The following ASIC2 variants were observed in gnomAD, a reference collection of about 807,000 sequenced individuals.
ASIC2 encodes the protein acid sensing ion channel subunit 2.
ASIC2 carries 25 observed loss-of-function variants against 57.3 expected under a neutral mutation model. The ratio of observed to expected loss-of-function variants is 0.44; its 90% CI spans 0.32 to 0.61. The LOEUF is 0.61. Ranked by LOEUF, ASIC2 falls within the 20% of genes least tolerant of loss-of-function variation. The pLI is 0.06. For synonymous variants in ASIC2, 319 were observed against 307.5 expected (o/e 1.04, Z -0.39); for missense variants, 641 against 738.1 (o/e 0.87, Z 1.52).
chr17:33,776,279 G>A (rs1224251794), intron 1 of ASIC2, among the ~76,000 whole-genome samples: 1 of 152,120 alleles, frequency 6.6e-6, no homozygotes, highest in Admixed American at 6.5e-5. Flanking sequence ...CTCATAATTG[G>A]GATAGCCCCT....
In ASIC2 at chr17:33,555,895, G is replaced by T. The variant is rs897272527; in HGVS notation, c.556-443828C>A. 2.4e-4 allele frequency among the ~76,000 whole-genome samples: 37 copies of T among 152,190 alleles called. 1 individual carries two copies. The highest frequency in any genetic ancestry group is 8.9e-4 in the African/African-American group (37 of 41,452). Reference sequence around the variant, plus strand: ...AATTGAACTTCTAGCACTCTCCAGAGCAAGATGAGATTCAGCTCAGATAAA... The same window carrying T: ...AATTGAACTTCTAGCACTCTCCAGATCAAGATGAGATTCAGCTCAGATAAA... On this transcript the variant is annotated intron_variant, in intron 1 of 9. Transcript: ENST00000359872.
chr17:33,602,815 G>A (rs1032370670), intron 1 of ASIC2, among the ~76,000 whole-genome samples: 4 of 152,122 alleles, frequency 2.6e-5, no homozygotes, highest in Non-Finnish European at 5.9e-5. Flanking sequence ...CTAGCAATGG[G>A]GCTTAACATG....
chr17:33,478,477 A>G (rs189118888), intron 1 of ASIC2, among the ~76,000 whole-genome samples: 1 of 152,372 alleles, frequency 6.6e-6, no homozygotes, highest in East Asian at 1.9e-4. Flanking sequence ...CTCATGAATG[A>G]ACATGCTATC....
At chr17:33,777,751 G>A (rs575444572) in intron 1 of ASIC2, among the ~76,000 whole-genome samples, 3 of 152,306 alleles carry the variant, frequency 2.0e-5, no homozygotes, top group South Asian at 4.1e-4. Flanking sequence ...GATGCATAAT[G>A]TCCTTTGTGA....
At chr17:33,464,175 C>T (rs995317529) in intron 1 of ASIC2, among the ~76,000 whole-genome samples, 3 of 152,180 alleles carry the variant, frequency 2.0e-5, no homozygotes, top group African/African-American at 7.2e-5. Context: ...CCTTTGTTTG[C>T]CAACAGGTCT....
Position 33,522,175 on chromosome 17 carries a change from G to A in ASIC2, c.556-410108C>T, listed in dbSNP as rs564572140. Among the ~76,000 whole-genome samples, 7 of 152,196 alleles carry A rather than the reference G, an allele frequency of 4.6e-5. No individual in the cohort carries two copies. In the South Asian group the frequency reaches 1.0e-3, roughly 22 times the overall value. ...TGCTGTCCCTACCAGGCAGCCTTGT[G>A]CCCTCTGCTCAGTACCCCCTCGTGG... On this transcript the variant is annotated intron_variant, in intron 1 of 9. Coordinates refer to the ASIC2 transcript ENST00000359872.
chr17:33,871,792 C>A (rs1470084799), intron 1 of ASIC2, among the ~76,000 whole-genome samples: 3 of 152,134 alleles, frequency 2.0e-5, no homozygotes, highest in African/African-American at 7.2e-5. Context: ...AGTAAACAGT[C>A]TCTGGATGAT....
At chr17:33,688,362 C>T (rs1271464141) in intron 1 of ASIC2, among the ~76,000 whole-genome samples, 1 of 152,184 alleles carries the variant, frequency 6.6e-6, no homozygotes, top group African/African-American at 2.4e-5. Context: ...GTTTTTGCTA[C>T]TACCAGTAAA....
chr17:33,614,563 T>G (rs1905532262), intron 1 of ASIC2, among the ~76,000 whole-genome samples: 2 of 152,284 alleles, frequency 1.3e-5, no homozygotes, highest in South Asian at 4.1e-4. Context: ...GATGGTATCA[T>G]GTCTTGAGTT....
chr17:33,356,841 G>C (rs1269976298), intron 1 of ASIC2, among the ~76,000 whole-genome samples: 2 of 152,006 alleles, frequency 1.3e-5, no homozygotes, highest in African/African-American at 2.4e-5. Context: ...GGGGATGCTG[G>C]GGGTGTGTGT....
chr17:34,038,841 G>C, intron 1 of ASIC2: 3 of 1,612,186 alleles, frequency 1.9e-6, no homozygotes, highest in Middle Eastern at 1.7e-4. Context: ...GGAGGTTTCC[G>C]CTTTGCTAAC....
chr17:33,327,351 G>A (rs1226007448), intron 1 of ASIC2, among the ~76,000 whole-genome samples: 1 of 152,134 alleles, frequency 6.6e-6, no homozygotes, highest in African/African-American at 2.4e-5. Context: ...ATTTGGGATG[G>A]CCTTTTATTC....
intron 1 of ASIC2, among the ~76,000 whole-genome samples, chr17:33,779,967 C>CTTTTTTTTTTTTTT (rs759850922): frequency 2.3e-5 from 2 of 85,206 alleles, no homozygotes; most frequent in African/African-American, 9.6e-5. Flanking sequence ...CTACAGAAGC[C>CTTTTTTTTTTTTTT]TTTTTTTTTT....
At chr17:34,041,522 C>G (rs576174092) in intron 1 of ASIC2, 1 of 152,134 alleles carries the variant, frequency 6.6e-6, no homozygotes, top group Non-Finnish European at 1.5e-5. Context: ...TTATAAGCTC[C>G]GAGACCTTGG....
chr17:33,038,838 T>G (rs1165356043), intron 3 of ASIC2, among the ~76,000 whole-genome samples: 1 of 151,938 alleles, frequency 6.6e-6, no homozygotes, highest in African/African-American at 2.4e-5. Context: ...AGACCAAAGA[T>G]CCTAAGGCAC....
chr17:33,558,278 T>C (rs553812867), intron 1 of ASIC2, among the ~76,000 whole-genome samples: 1 of 152,326 alleles, frequency 6.6e-6, no homozygotes, highest in South Asian at 2.1e-4. Flanking sequence ...TCTATTTTTA[T>C]TCATGTTTAG....
At chr17:33,462,099 C>A (rs547273412) in intron 1 of ASIC2, among the ~76,000 whole-genome samples, 71 of 152,284 alleles carry the variant, frequency 4.7e-4, no homozygotes, top group African/African-American at 1.7e-3. Flanking sequence ...CACAGGGTGT[C>A]ACAGAAGCAG....
At chr17:33,988,822 C>A (rs1905911546) in intron 1 of ASIC2, among the ~76,000 whole-genome samples, 1 of 151,982 alleles carries the variant, frequency 6.6e-6, no homozygotes, top group Admixed American at 6.6e-5. Flanking sequence ...CCTGGTGACT[C>A]TTAGACAGTG....
chr17:33,061,527 G>C (rs910669815), intron 3 of ASIC2, among the ~76,000 whole-genome samples: 1 of 152,168 alleles, frequency 6.6e-6, no homozygotes, highest in African/African-American at 2.4e-5. Flanking sequence ...TGATCATGGT[G>C]GATAAGCTTT....
Sources: allele counts gnomAD v4.1 joint callset (sites outside exome capture counted in the v4.1 genomes callset), GRCh38; gene constraint gnomAD v4.1.1; transcripts MANE v1.5; gene names NCBI Gene and HGNC (gene_info 2026-07-23, HGNC 2026-07-21).